The following ESR1 variants were observed in gnomAD, a reference collection of about 807,000 sequenced individuals.
ESR1 encodes the protein estrogen receptor 1, also known as estrogen receptor.
Under a neutral mutation model 52.7 loss-of-function variants are expected in ESR1, and 12 were observed. The observed-to-expected ratio is 0.23, with a 90% CI of 0.15 to 0.37. The LOEUF is 0.37. ESR1 is among the 10% of genes least tolerant of loss of function. The pLI, the probability that ESR1 is intolerant of heterozygous loss-of-function variation, is 1.00. For synonymous variants in ESR1, 305 were observed against 316.8 expected, an observed-to-expected ratio of 0.96 and a Z score of 0.39; for missense variants, 584 against 779.7, an observed-to-expected ratio of 0.75 and a Z score of 2.99.
chr6:151,790,047 A>C (rs1313291481), intron 2 of ESR1, among the ~76,000 whole-genome samples: 1 of 152,120 alleles, frequency 6.6e-6, no homozygotes, highest in East Asian at 1.9e-4. Flanking sequence ...ATGCTCTAGC[A>C]CTGGGATCTT....
chr6:151,780,084 G>A (rs1180260889), intron 2 of ESR1, among the ~76,000 whole-genome samples: 2 of 151,948 alleles, frequency 1.3e-5, no homozygotes, highest in Non-Finnish European at 2.9e-5. Context: ...AAGTGGGTGA[G>A]TTCCATAATG....
At chr6:152,017,661 G>T (rs1177893143) in intron 5 of ESR1, among the ~76,000 whole-genome samples, 1 of 151,942 alleles carries the variant, frequency 6.6e-6, no homozygotes, top group African/African-American at 2.4e-5. Flanking sequence ...ATTTAGTCCT[G>T]CTTGAGTGCT....
chr6:151,941,159 A>C (rs1486627029), intron 3 of ESR1, among the ~76,000 whole-genome samples: 1 of 152,136 alleles, frequency 6.6e-6, no homozygotes, highest in Non-Finnish European at 1.5e-5. Flanking sequence ...TAATTTGGTT[A>C]CTCTTGATTT....
At chr6:152,001,686 G>A (rs1224420907) in intron 4 of ESR1, among the ~76,000 whole-genome samples, 4 of 151,926 alleles carry the variant, frequency 2.6e-5, no homozygotes, top group Admixed American at 2.6e-4. Flanking sequence ...TCTCCTTTTG[G>A]CCTCTCTCTA....
At chr6:151,704,251 T>A (rs1188798303) in intron 2 of ESR1, among the ~76,000 whole-genome samples, 1 of 152,244 alleles carries the variant, frequency 6.6e-6, no homozygotes, top group East Asian at 1.9e-4. Flanking sequence ...TTTGTTTTAT[T>A]TGAGACTGAG....
At chr6:151,854,093 G>C (rs565914918) in intron 2 of ESR1, among the ~76,000 whole-genome samples, 1 of 152,116 alleles carries the variant, frequency 6.6e-6, no homozygotes, top group African/African-American at 2.4e-5. Context: ...TAAAGAGAAT[G>C]GTCTGTATCT....
intron 1 of ESR1, among the ~76,000 whole-genome samples, chr6:151,662,876 ACT>A (rs1488060844): frequency 6.6e-6 from 1 of 151,730 alleles, no homozygotes; most frequent in Non-Finnish European, 1.5e-5. Context: ...TGTCTGGAAA[ACT>A]CTTGTTAAAC....
At chr6:151,797,794 A>C (rs1403755322) in intron 2 of ESR1, among the ~76,000 whole-genome samples, 1 of 152,236 alleles carries the variant, frequency 6.6e-6, no homozygotes, top group Non-Finnish European at 1.5e-5. Flanking sequence ...CCTCTTGAGA[A>C]AGAAAGGAGC....
rs1221635965 is a variant in ESR1 at position 151,809,865 on chromosome 6, C to T, written c.452+1501C>T. 1.7e-4 allele frequency among the ~76,000 whole-genome samples: 26 copies of T among 151,666 alleles called. 1 individual carries two copies. The highest frequency in any genetic ancestry group is 1.7e-3 in the Admixed American group (26 of 15,224). On this transcript the variant is annotated intron_variant, in intron 1 of 7. Transcript: ENST00000206249. ...AACAGAGAAAAAGGATTTCTTCTGC[C>T]CACCTTTTTTTTTTTAAATGGAAGA...
At chr6:151,917,528 A>G (rs745441394) in intron 3 of ESR1, among the ~76,000 whole-genome samples, 67 of 152,202 alleles carry the variant, frequency 4.4e-4, no homozygotes, top group Non-Finnish European at 7.2e-4. Context: ...AGTGAACATT[A>G]TAGTTTTAGG....
intron 4 of ESR1, among the ~76,000 whole-genome samples, chr6:151,953,253 G>T (rs1275187827): frequency 6.6e-6 from 1 of 151,998 alleles, no homozygotes; most frequent in Admixed American, 6.5e-5. Context: ...ACCTCTCTGT[G>T]CCCTAAGTAC....
At chr6:151,796,685 C>T (rs181459893) in intron 2 of ESR1, among the ~76,000 whole-genome samples, 15 of 152,288 alleles carry the variant, frequency 9.8e-5, no homozygotes, top group African/African-American at 3.4e-4. Context: ...ATTAGTTTTG[C>T]ACCAACCAAA....
intron 2 of ESR1, among the ~76,000 whole-genome samples, chr6:151,737,484 T>G (rs1201599766): frequency 6.6e-6 from 1 of 152,222 alleles, no homozygotes. Flanking sequence ...AAAAAGTTTC[T>G]CATATCAATG....
chr6:152,032,091 C>A (rs4448106), intron 5 of ESR1, among the ~76,000 whole-genome samples: 1 of 151,716 alleles, frequency 6.6e-6, no homozygotes, highest in East Asian at 1.9e-4. Context: ...AATTCAACAA[C>A]CCTTCATGCT....
At chr6:151,988,572 G>A (rs975875882) in intron 4 of ESR1, among the ~76,000 whole-genome samples, 2 of 152,050 alleles carry the variant, frequency 1.3e-5, no homozygotes, top group African/African-American at 2.4e-5. Context: ...GCCTTTCGGA[G>A]GGTGGAGGGT....
chr6:151,755,726 A>T (rs1301664194), intron 2 of ESR1, among the ~76,000 whole-genome samples: 1 of 151,694 alleles, frequency 6.6e-6, no homozygotes, highest in Admixed American at 6.6e-5. Flanking sequence ...CGCCTCCCAG[A>T]TTCAAGTGAT....
At chr6:151,722,008 CAGATTAATTTCCTA>C (rs1403637014) in intron 2 of ESR1, among the ~76,000 whole-genome samples, 1 of 152,202 alleles carries the variant, frequency 6.6e-6, no homozygotes, top group Non-Finnish European at 1.5e-5. Flanking sequence ...CAGATGGTGA[CAGATTAATTTCCTA>C]AGAGACTGAT....
intron 2 of ESR1, among the ~76,000 whole-genome samples, chr6:151,846,772 G>T (rs1455944704): frequency 6.6e-6 from 1 of 152,114 alleles, no homozygotes; most frequent in Non-Finnish European, 1.5e-5. Flanking sequence ...AAGTCAGAAG[G>T]GGCAAAATTG....
At chr6:152,037,266 A>G (rs187371733) in intron 5 of ESR1, among the ~76,000 whole-genome samples, 5 of 152,262 alleles carry the variant, frequency 3.3e-5, no homozygotes, top group Admixed American at 6.5e-5. Context: ...GAGAGAGAGA[A>G]AAACAAATAA....
Sources: allele counts gnomAD v4.1 joint callset (sites outside exome capture counted in the v4.1 genomes callset), GRCh38; gene constraint gnomAD v4.1.1; transcripts MANE v1.5; gene names NCBI Gene and HGNC (gene_info 2026-07-23, HGNC 2026-07-21).